Variants in SUMF1 observed in about 807,000 individuals in gnomAD.
SUMF1 encodes formylglycine-generating enzyme.
A neutral mutation model predicts 47.6 loss-of-function variants in SUMF1; 48 were observed. The ratio of observed to expected loss-of-function variants is 1.01; its 90% CI spans 0.80 to 1.28. The LOEUF (loss-of-function observed/expected upper bound fraction) is 1.28, where lower values mean the gene tolerates loss of function less well. Ranked by LOEUF, SUMF1 falls within the 50% of genes most tolerant of loss-of-function variation. The probability of loss-of-function intolerance (pLI) is 0.00; values close to 1 mark genes in which losing one functional copy is unlikely to be tolerated. For missense variants in SUMF1, 571 were observed against 485.4 expected, an observed-to-expected ratio of 1.18 and a Z score of -1.66; for synonymous variants, 230 against 192.1, an observed-to-expected ratio of 1.20 and a Z score of -1.63.
chr3:4,275,420 A>C (rs1697391228), intron 8 of SUMF1, among the ~76,000 whole-genome samples: 1 of 152,140 alleles, frequency 6.6e-6, no homozygotes, highest in Non-Finnish European at 1.5e-5. Context: ...TATAACATTC[A>C]ACAGGGCAAT....
intron 8 of SUMF1, among the ~76,000 whole-genome samples, chr3:4,089,730 T>C (rs1011412157): frequency 1.3e-5 from 2 of 152,182 alleles, no homozygotes; most frequent in Non-Finnish European, 2.9e-5. Flanking sequence ...TACCACCTTT[T>C]AGCAAAGTCT....
At chr3:4,210,190 C>T (rs772781433) in intron 8 of SUMF1, among the ~76,000 whole-genome samples, 26 of 152,026 alleles carry the variant, frequency 1.7e-4, no homozygotes, top group Non-Finnish European at 2.9e-4. Context: ...CCACTGTGCC[C>T]GGCCAAAACT....
intron 8 of SUMF1, among the ~76,000 whole-genome samples, chr3:4,193,070 T>A (rs548860288): frequency 1.9e-4 from 29 of 152,218 alleles, no homozygotes; most frequent in African/African-American, 6.7e-4. Context: ...TGAAGCCATA[T>A]AATTGTCTAT....
rs62259310 is a variant in SUMF1, at chr3:4,168,381, T to G, written c.1015-99636A>C. On this transcript the variant is annotated intron_variant and NMD_transcript_variant, in intron 8 of 12. Coordinates refer to the SUMF1 transcript ENST00000448413. ...AAATATAAAACTCTTTAGCCTTGAG[T>G]TCTGAGCCTTTAATAATGTGATGAG... 9.4e-3 allele frequency among the ~76,000 whole-genome samples: 1,429 copies of G among 152,264 alleles called. 10 individuals carry two copies. Among genetic ancestry groups the G allele is most frequent in the Non-Finnish European group, 0.015 (1,002 of 68,010 alleles).
At chr3:4,395,999 T>C (rs142980390) in intron 7 of SUMF1, among the ~76,000 whole-genome samples, 1 of 152,352 alleles carries the variant, frequency 6.6e-6, no homozygotes, top group East Asian at 1.9e-4. Flanking sequence ...GGCAGACATA[T>C]AATTGACCAT....
At chr3:4,251,965 G>A (rs1696812288) in intron 8 of SUMF1, among the ~76,000 whole-genome samples, 1 of 152,050 alleles carries the variant, frequency 6.6e-6, no homozygotes, top group Admixed American at 6.5e-5. Flanking sequence ...TATATGCACG[G>A]GAAAACCAAA....
At chr3:4,076,737 C>A (rs190519847) in intron 8 of SUMF1, among the ~76,000 whole-genome samples, 1 of 152,142 alleles carries the variant, frequency 6.6e-6, no homozygotes, top group Non-Finnish European at 1.5e-5. Flanking sequence ...TGGTGGCTCA[C>A]GCCTGTAATC....
intron 8 of SUMF1, among the ~76,000 whole-genome samples, chr3:4,135,724 C>G (rs1693909701): frequency 6.6e-6 from 1 of 152,150 alleles, no homozygotes; most frequent in African/African-American, 2.4e-5. Flanking sequence ...ATCTAGAAAA[C>G]CCCATCATCT....
chr3:4,036,703 T>C (rs1464893167), intron 9 of SUMF1, among the ~76,000 whole-genome samples: 3 of 151,486 alleles, frequency 2.0e-5, no homozygotes, highest in Admixed American at 6.6e-5. Flanking sequence ...GAAACTAACA[T>C]GATAATCTAT....
chr3:4,125,484 T>C lies in SUMF1; in HGVS notation c.1015-56739A>G, dbSNP rs115660833. The stretch of plus-strand genomic sequence containing the variant: ...ACATTAACACCCATGGGTACAGTTA[T>C]TCAACTAGTTACAATCTATCTGCTT... On this transcript the variant is annotated intron_variant and NMD_transcript_variant, in intron 8 of 12. Coordinates refer to the SUMF1 transcript ENST00000448413. Among the ~76,000 whole-genome samples, 1,122 of 152,254 alleles carry C rather than the reference T, an allele frequency of 7.4e-3. 12 individuals carry two copies. The highest frequency in any genetic ancestry group is 0.026 in the African/African-American group (1,078 of 41,546).
intron 2 of SUMF1, among the ~76,000 whole-genome samples, chr3:4,450,604 G>A (rs988290133): frequency 7.9e-5 from 12 of 152,120 alleles, no homozygotes; most frequent in Non-Finnish European, 1.5e-4. Flanking sequence ...AGATAGCCAT[G>A]GCCCCTATCC....
At chr3:4,242,112 T>C (rs1696551065) in intron 8 of SUMF1, among the ~76,000 whole-genome samples, 2 of 152,198 alleles carry the variant, frequency 1.3e-5, no homozygotes. Flanking sequence ...TTGTGATATT[T>C]GCACATTGAC....
chr3:4,054,542 T>C (rs562184861), intron 9 of SUMF1, among the ~76,000 whole-genome samples: 16 of 152,116 alleles, frequency 1.1e-4, no homozygotes, highest in Non-Finnish European at 2.1e-4. Flanking sequence ...TTCAGGTGTA[T>C]GTTTATGTGC....
At chr3:4,192,272 C>CTA (rs1428246196) in intron 8 of SUMF1, among the ~76,000 whole-genome samples, 2 of 152,004 alleles carry the variant, frequency 1.3e-5, no homozygotes, top group African/African-American at 2.4e-5. Context: ...GTTTAAAGTC[C>CTA]TAAACTTCCA....
At chr3:4,292,417 G>T (rs1697758817) in intron 8 of SUMF1, among the ~76,000 whole-genome samples, 6 of 152,168 alleles carry the variant, frequency 3.9e-5, no homozygotes, top group Admixed American at 3.3e-4. Context: ...AAGGGGCTTT[G>T]CCTAAGAAGT....
chr3:4,101,013 C>T (rs1231568571), intron 8 of SUMF1, among the ~76,000 whole-genome samples: 1 of 151,792 alleles, frequency 6.6e-6, no homozygotes, highest in Non-Finnish European at 1.5e-5. Flanking sequence ...ACAAGTATTG[C>T]CAAGGATGTG....
At chr3:4,217,522 A>ATAT (rs1553610076) in intron 8 of SUMF1, among the ~76,000 whole-genome samples, 1 of 72,266 alleles carries the variant, frequency 1.4e-5, no homozygotes, top group Admixed American at 1.5e-4. Context: ...TTTTATATAT[A>ATAT]TATATATATA....
Position 4,335,558 on chromosome 3 carries a change from C to G in SUMF1, c.1014+40772G>C, listed in dbSNP as rs145495436. 6.5e-3 allele frequency among the ~76,000 whole-genome samples: 993 copies of G among 152,302 alleles called. 10 individuals carry two copies. Among genetic ancestry groups the G allele is most frequent in the African/African-American group, 0.023 (953 of 41,550 alleles). On this transcript the variant is annotated intron_variant and NMD_transcript_variant, in intron 8 of 12. Coordinates refer to the SUMF1 transcript ENST00000448413. Reference sequence around the variant, plus strand: ...AGGAGTTCTGCAGCAGAATTAACCTCATCTCAACTGAAAATTTGGGCGAGG... The same window carrying G: ...AGGAGTTCTGCAGCAGAATTAACCTGATCTCAACTGAAAATTTGGGCGAGG...
chr3:4,090,210 TG>T (rs143548562), intron 8 of SUMF1, among the ~76,000 whole-genome samples: 2,277 of 152,296 alleles, frequency 0.015, 26 homozygotes, highest in Non-Finnish European at 0.023. Flanking sequence ...AACATTGTTT[TG>T]TTATAGAATT....
Sources: allele counts gnomAD v4.1 joint callset (sites outside exome capture counted in the v4.1 genomes callset), GRCh38; gene constraint gnomAD v4.1.1; transcripts MANE v1.5; gene names NCBI Gene and HGNC (gene_info 2026-07-23, HGNC 2026-07-21).